The following SMURF1 variants were observed in gnomAD, a reference collection of about 807,000 sequenced individuals.
The protein encoded by SMURF1 is E3 ubiquitin-protein ligase SMURF1.
SMURF1 carries 44 observed loss-of-function variants against 98.0 expected under a neutral mutation model. That is an observed-to-expected ratio of 0.45 (90% CI 0.35 to 0.58). SMURF1 has a LOEUF of 0.58. Among genes scored for constraint, SMURF1 ranks in the 20% least tolerant of loss-of-function variants. SMURF1 has a pLI of 0.00. For synonymous variants in SMURF1, 396 were observed against 374.9 expected (o/e 1.06, Z -0.65); for missense variants, 687 against 938.4 (o/e 0.73, Z 3.50).
chr7:99,087,736 T>A (rs1215293480), intron 1 of SMURF1, among the ~76,000 whole-genome samples: 1 of 152,144 alleles, frequency 6.6e-6, no homozygotes, highest in Non-Finnish European at 1.5e-5. Flanking sequence ...TTGTGCTATC[T>A]TTTAGGTCCA....
chr7:99,084,367 G>A (rs756416736), intron 1 of SMURF1, among the ~76,000 whole-genome samples: 7 of 152,104 alleles, frequency 4.6e-5, no homozygotes, highest in East Asian at 3.9e-4. Context: ...TGCAACCTCC[G>A]ACTCTTGACC....
intron 16 of SMURF1, among the ~76,000 whole-genome samples, chr7:99,033,703 G>A (rs1795008808): frequency 6.6e-6 from 1 of 152,226 alleles, no homozygotes; most frequent in African/African-American, 2.4e-5. Context: ...GCTCCAGACA[G>A]GCTCCCTGAG....
Position 99,035,581 on chromosome 7 carries a change from C to T in SMURF1, c.1945G>A (p.Ala649Thr). 1 of 1,614,222 alleles carries T rather than the reference C, an allele frequency of 6.2e-7. No homozygotes were observed. Among genetic ancestry groups the T allele is most frequent in the Non-Finnish European group, 8.5e-7 (1 of 1,180,046 alleles). The change falls in exon 16 of 18, where the codon GCC becomes ACC. Residue 649 changes from alanine to threonine, a missense_variant. Physicochemically the swap from Ala to Thr is moderately conservative, Grantham distance 58. Transcript: ENST00000361368. ...AVETFDEERR[A>T]RLLQFVTGST... is the part of the protein sequence containing the mutation. ...CCAGTCACAAACTGCAGGAGCCTGG[C>T]CCTCCTTTCTTCATCGAACGTCTCC...
chr7:99,050,894 T>TGGGGGGGGGGG, intron 8 of SMURF1: 1 of 1,314,566 alleles, frequency 7.6e-7, no homozygotes, highest in Non-Finnish European at 1.0e-6. Context: ...TGTTATGGGG[T>TGGGGGGGGGGG]GGGGGGGGGG....
chr7:99,068,837 C>T (rs1008017234), intron 1 of SMURF1, among the ~76,000 whole-genome samples: 3 of 150,690 alleles, frequency 2.0e-5, no homozygotes, highest in Non-Finnish European at 3.0e-5. Flanking sequence ...ATTCTTGCTT[C>T]TTAACCCATC....
At chr7:99,085,367 AAAAAG>A (rs1194759464) in intron 1 of SMURF1, among the ~76,000 whole-genome samples, 84 of 150,976 alleles carry the variant, frequency 5.6e-4, no homozygotes, top group Middle Eastern at 3.4e-3. Flanking sequence ...AAAAAAAAAA[AAAAAG>A]AAAAGAAAAG....
chr7:99,138,288 A>G (rs1388190527), intron 1 of SMURF1, among the ~76,000 whole-genome samples: 1 of 152,260 alleles, frequency 6.6e-6, no homozygotes, highest in Non-Finnish European at 1.5e-5. Flanking sequence ...ACCACTGAAT[A>G]AAACGCACAA....
rs758282469 is a variant in SMURF1 at position 99,035,661 on chromosome 7, C to T, written c.1865G>A (p.Arg622Gln). The change falls in exon 16 of 18, where the codon CGG (arginine) becomes CAG (glutamine). Residue 622 changes from arginine to glutamine, a missense_variant. By Grantham distance (43) the Arg-to-Gln change is conservative (BLOSUM62 1). Transcript: ENST00000361368. ...GCTGTCGGCCACACAGTGCTTCAGC[C>T]GCGTGTTCGACTTCCAGTCGTTCAA... ...IDLNDWKSNTRLKHCVADSNI... is the reference protein window; with the variant it reads ...IDLNDWKSNTQLKHCVADSNI... 2 of 1,614,058 alleles carry T rather than the reference C, an allele frequency of 1.2e-6. No individual in the cohort carries two copies. Among genetic ancestry groups the T allele is most frequent in the Non-Finnish European group, 1.7e-6 (2 of 1,180,032 alleles).
chr7:99,037,641 G>A (rs1795198075), intron 14 of SMURF1, among the ~76,000 whole-genome samples: 2 of 152,330 alleles, frequency 1.3e-5, no homozygotes, highest in Middle Eastern at 3.4e-3. Context: ...CCAGCTAGTA[G>A]TACCAAACCT....
Position 99,030,769 on chromosome 7 carries a change from A to C in SMURF1, c.2097-86T>G. ...GCCAAGGACAGGCAGTGAGAAGTATATGTGGGAGGGGAGAGGAATGGGGGG... is the reference window on the plus strand; with the variant it reads ...GCCAAGGACAGGCAGTGAGAAGTATCTGTGGGAGGGGAGAGGAATGGGGGG... On this transcript the variant is annotated intron_variant, in intron 17 of 17. Transcript: ENST00000361368. 4.0e-5 allele frequency: 31 copies of C among 767,808 alleles called. No homozygotes were observed. Among genetic ancestry groups the C allele is most frequent in the East Asian group, 6.4e-5 (2 of 31,110 alleles). The allele number at this position is 767,808 out of a possible 1,614,324, so 47.6% of individuals were successfully genotyped here. A position where few individuals can be genotyped will look rare whatever the true frequency, so the allele number is the denominator to read the frequency against.
At position 99,037,087 on chromosome 7, in the gene SMURF1, A is replaced by G. The variant is rs145872789; in HGVS notation, c.1789T>C (p.Phe597Leu). The G allele has an allele frequency of 2.5e-6, 4 of 1,613,976 alleles. No homozygotes were observed. The highest frequency in any genetic ancestry group is 2.5e-6 in the Non-Finnish European group (3 of 1,180,012). The change falls in exon 15 of 18, where the codon TTT becomes CTT. Residue 597 changes from phenylalanine (F) to leucine (L), a missense_variant. Phe to Leu is a conservative substitution (Grantham distance 22, BLOSUM62 0). Coordinates refer to ENST00000361368, the MANE Select transcript of SMURF1 (RefSeq NM_181349.3). ...ELIPQHLLKP[F>L]DQKELELIIG... ...CATACCTCCAGTTCCTTCTGGTCAA[A>G]AGGCTTCAGCAGATGTTGAGGGATG...
chr7:99,069,389 C>T (rs781170722), intron 1 of SMURF1, among the ~76,000 whole-genome samples: 4 of 152,202 alleles, frequency 2.6e-5, no homozygotes, highest in East Asian at 1.9e-4. Context: ...GCCAGCGTTT[C>T]GCTCTGTCAC....
At chr7:99,045,246 ATT>A (rs1437371515) in intron 11 of SMURF1, among the ~76,000 whole-genome samples, 1 of 152,196 alleles carries the variant, frequency 6.6e-6, no homozygotes, top group East Asian at 1.9e-4. Context: ...TTCTTGAATT[ATT>A]TTGACCAAAA....
intron 11 of SMURF1, among the ~76,000 whole-genome samples, chr7:99,045,283 T>C (rs1795535925): frequency 6.6e-6 from 1 of 152,254 alleles, no homozygotes; most frequent in Non-Finnish European, 1.5e-5. Context: ...AAAATTCCTT[T>C]GACACAAATG....
At chr7:99,135,329 TTTCTC>T (rs1563044893) in intron 1 of SMURF1, among the ~76,000 whole-genome samples, 1 of 152,168 alleles carries the variant, frequency 6.6e-6, no homozygotes, top group African/African-American at 2.4e-5. Context: ...TCTTCTCTCT[TTTCTC>T]TCCTCTCTCC....
At position 99,030,289 on chromosome 7, in the gene SMURF1, T is replaced by G. The variant is rs547564472; in HGVS notation, c.*295A>C. 2 of 355,952 alleles carry G rather than the reference T, an allele frequency of 5.6e-6. No homozygotes were observed. Among genetic ancestry groups the G allele is most frequent in the African/African-American group, 7.0e-5 (2 of 28,552 alleles). 22.0% of individuals were successfully genotyped at this position (355,952 alleles called of 1,614,324 possible). A position where few individuals can be genotyped will look rare whatever the true frequency, so the allele number is the denominator to read the frequency against. On this transcript the variant is annotated 3_prime_UTR_variant, in exon 18 of 18. Transcript: ENST00000361368. Reference sequence around the variant, plus strand: ...GCTGTGAGCCTTATCACCACATGGGTTGCAACACAGCAGAATATCCTGTGT... The same window carrying G: ...GCTGTGAGCCTTATCACCACATGGGGTGCAACACAGCAGAATATCCTGTGT...
At chr7:99,065,233 C>T (rs1005297550) in intron 1 of SMURF1, among the ~76,000 whole-genome samples, 5 of 151,924 alleles carry the variant, frequency 3.3e-5, no homozygotes, top group African/African-American at 7.2e-5. Context: ...GAACTGGGAC[C>T]GCAGATAAAC....
chr7:99,045,122 G>A (rs564154152), intron 11 of SMURF1, among the ~76,000 whole-genome samples: 1 of 151,888 alleles, frequency 6.6e-6, no homozygotes, highest in Non-Finnish European at 1.5e-5. Context: ...CTGGGCAACA[G>A]AGCAAGACCC....
chr7:99,126,019 G>C (rs1338558936), intron 1 of SMURF1, among the ~76,000 whole-genome samples: 5 of 152,088 alleles, frequency 3.3e-5, no homozygotes, highest in Non-Finnish European at 7.4e-5. Context: ...GATCTTTCTA[G>C]AGCCAGTTCA....
Sources: gnomAD v4.1 joint callset for allele counts (sites outside exome capture counted in the v4.1 genomes callset) on GRCh38, gnomAD v4.1.1 for gene constraint, MANE v1.5 for transcripts, NCBI Gene and HGNC (gene_info 2026-07-23, HGNC 2026-07-21) for gene names.